The following WAC variants were observed in gnomAD, a reference collection of about 807,000 sequenced individuals.
WAC encodes WW domain containing adaptor with coiled-coil.
Under a neutral mutation model 79.6 loss-of-function variants are expected in WAC, and 11 were observed. That is an observed-to-expected ratio of 0.14 (90% confidence interval 0.09 to 0.23). The LOEUF (loss-of-function observed/expected upper bound fraction) is 0.23. Among genes scored for constraint, WAC ranks in the 10% least tolerant of loss-of-function variants. The pLI is 1.00. For missense variants in WAC, 728 were observed against 773.5 expected (o/e 0.94, Z 0.70); for synonymous variants, 304 against 276.9 (o/e 1.10, Z -0.97).
At chr10:28,542,557 T>G (rs1351437861) in intron 3 of WAC, among the ~76,000 whole-genome samples, 5 of 152,210 alleles carry the variant, frequency 3.3e-5, no homozygotes, top group African/African-American at 1.2e-4. Context: ...GACCAAAACC[T>G]GACTTCTTGT....
chr10:28,608,172 A>T lies in WAC; in HGVS notation c.920-14A>T, dbSNP rs751673681. 1.4e-5 allele frequency: 23 copies of T among 1,612,260 alleles called. No individual in the cohort carries two copies. In the South Asian group the frequency reaches 2.5e-4, roughly 18 times the overall value. On this transcript the variant is annotated splice_polypyrimidine_tract_variant and intron_variant, in intron 7 of 13. Coordinates refer to ENST00000354911, the MANE Select transcript of WAC (RefSeq NM_016628.5). ...ATTCAGGTAATTTTTCAGGCTGATT[A>T]TCTTTTTATTTAGAATCTACATCAG... is the stretch of plus-strand genomic sequence containing the variant.
At chr10:28,598,626 T>A (rs1481396272) in intron 7 of WAC, among the ~76,000 whole-genome samples, 1 of 152,210 alleles carries the variant, frequency 6.6e-6, no homozygotes, top group Non-Finnish European at 1.5e-5. Context: ...ATCTCTTATC[T>A]TAGAAATGAA....
At chr10:28,612,240 T>C (rs919008669) in intron 10 of WAC, among the ~76,000 whole-genome samples, 1 of 152,234 alleles carries the variant, frequency 6.6e-6, no homozygotes, top group Non-Finnish European at 1.5e-5. Flanking sequence ...AAGACATGAA[T>C]GAACATGTTT....
intron 3 of WAC, among the ~76,000 whole-genome samples, chr10:28,556,230 T>C (rs1244912640): frequency 7.0e-6 from 1 of 142,266 alleles, no homozygotes; most frequent in African/African-American, 2.5e-5. Context: ...ACTTAACCTC[T>C]TGTTTTTTCC....
intron 13 of WAC, 185 bp downstream of exon 13, chr10:28,617,969 C>G: frequency 1.7e-6 from 1 of 595,968 alleles, no homozygotes; most frequent in South Asian, 3.0e-5. Context: ...TCGATTTTCT[C>G]TTAACCCATG....
intron 3 of WAC, chr10:28,537,752 C>A (rs1430364904): frequency 6.6e-6 from 1 of 152,180 alleles, no homozygotes; most frequent in Non-Finnish European, 1.5e-5. Context: ...TAGCCACTTA[C>A]TTTTTCTGTA....
rs1840478681 is a variant in WAC, at chr10:28,598,284, G to A, written c.919+2243G>A. Reference sequence around the variant, plus strand: ...TTTACTAGCTTGGTCTCCATCCGTTGCACTCTTAATTCTCTGTAATTCATC... The same window carrying A: ...TTTACTAGCTTGGTCTCCATCCGTTACACTCTTAATTCTCTGTAATTCATC... On this transcript the variant is annotated intron_variant, in intron 7 of 13. Transcript: ENST00000354911. Among the ~76,000 whole-genome samples, 8 of 152,298 alleles carry A rather than the reference G, an allele frequency of 5.3e-5. No individual in the cohort carries two copies. In the South Asian group the frequency reaches 1.7e-3, roughly 32 times the overall value.
intron 4 of WAC, among the ~76,000 whole-genome samples, chr10:28,585,575 G>A (rs1289906567): frequency 6.6e-6 from 1 of 151,216 alleles, no homozygotes; most frequent in African/African-American, 2.4e-5. Flanking sequence ...AGGGAAGGGA[G>A]GATGAGGCCA....
At chr10:28,580,383 A>T (rs982729728) in intron 3 of WAC, among the ~76,000 whole-genome samples, 1 of 152,220 alleles carries the variant, frequency 6.6e-6, no homozygotes, top group African/African-American at 2.4e-5. Flanking sequence ...TCTTAACCTC[A>T]TGAGAGAGGT....
intron 7 of WAC, among the ~76,000 whole-genome samples, chr10:28,603,815 TCCC>T (rs1840756748): frequency 6.6e-6 from 1 of 150,582 alleles, no homozygotes; most frequent in African/African-American, 2.4e-5. Context: ...GCGCCTGTAG[TCCC>T]AGCTACTCGG....
intron 3 of WAC, among the ~76,000 whole-genome samples, chr10:28,575,321 A>G (rs987624559): frequency 6.6e-5 from 10 of 151,930 alleles, no homozygotes; most frequent in Admixed American, 2.0e-4. Context: ...CGAGTACCCA[A>G]TGTTTTGTTT....
intron 3 of WAC, among the ~76,000 whole-genome samples, chr10:28,571,603 T>G (rs1265614926): frequency 6.6e-6 from 1 of 152,268 alleles, no homozygotes; most frequent in Non-Finnish European, 1.5e-5. Flanking sequence ...TGCCTTACTT[T>G]ACTATCTTAA....
chr10:28,598,172 G>A (rs1170094378), intron 7 of WAC, among the ~76,000 whole-genome samples: 3 of 152,194 alleles, frequency 2.0e-5, no homozygotes, highest in Non-Finnish European at 4.4e-5. Context: ...TCCTTGCTTA[G>A]AAACTTCTAG....
chr10:28,608,315 A>G lies in WAC; in HGVS notation c.1049A>G (p.Gln350Arg), dbSNP rs1319201840. Residue 350 changes from glutamine to arginine, a missense_variant, in exon 8 of 14, where the codon CAG becomes CGG. Around this residue, in one of 3 missense-constraint regions of WAC, gnomAD observed 648 missense variants for 661.5 expected, o/e 0.98. Coordinates refer to ENST00000354911, the MANE Select transcript of WAC (RefSeq NM_016628.5). ...ASAVPVSPVP[Q>R]SPIPPLLQDP... is the part of the protein sequence containing the mutation. ...GCGGTCCCTGTTTCTCCTGTTCCAC[A>G]GTCGCCAATACCTCCCTTACTTCAG... is the stretch of plus-strand genomic sequence containing the variant. The G allele has an allele frequency of 6.2e-7, 1 of 1,614,202 alleles. No individual in the cohort carries two copies. The highest frequency in any genetic ancestry group is 8.5e-7 in the Non-Finnish European group (1 of 1,180,018).
Position 28,619,727 on chromosome 10 carries a change from A to C in WAC, c.*121A>C, listed in dbSNP as rs1841624553. On this transcript the variant is annotated 3_prime_UTR_variant, in exon 14 of 14. Coordinates refer to ENST00000354911, the MANE Select transcript of WAC (RefSeq NM_016628.5). ...CGTTAAGCTGGGCAAAGGAAATGAC[A>C]AGGGGACGGGGTCTGTGAGAGTCAA... 1 of 705,714 alleles carries C rather than the reference A, an allele frequency of 1.4e-6. No homozygotes were observed. The highest frequency in any genetic ancestry group is 1.9e-5 in the African/African-American group (1 of 53,030). 43.7% of individuals were successfully genotyped at this position (705,714 alleles called of 1,614,324 possible).
At chr10:28,546,565 T>A (rs1258941115) in intron 3 of WAC, among the ~76,000 whole-genome samples, 2 of 151,776 alleles carry the variant, frequency 1.3e-5, no homozygotes, top group Non-Finnish European at 2.9e-5. Flanking sequence ...GATACTTTGA[T>A]TTTTTTTTAA....
chr10:28,589,680 T>C, intron 4 of WAC, 56 bp from the exon 5 acceptor site: 1 of 1,176,370 alleles, frequency 8.5e-7, no homozygotes, highest in Non-Finnish European at 1.2e-6. Context: ...GTTGTTGATA[T>C]TTCATGTGAT....
At chr10:28,557,555 G>A (rs1838062240) in intron 3 of WAC, among the ~76,000 whole-genome samples, 2 of 152,246 alleles carry the variant, frequency 1.3e-5, no homozygotes, top group African/African-American at 4.8e-5. Flanking sequence ...TCAGCTGGGT[G>A]TGGTGGTGTG....
chr10:28,575,272 A>G (rs1206377011), intron 3 of WAC, among the ~76,000 whole-genome samples: 1 of 152,112 alleles, frequency 6.6e-6, no homozygotes, highest in African/African-American at 2.4e-5. Flanking sequence ...CTCCCCTTCT[A>G]GTAGTCCCCA....
Sources: gnomAD v4.1 joint callset for allele counts (sites outside exome capture counted in the v4.1 genomes callset) on GRCh38, gnomAD v4.1.1 for gene constraint, gnomAD v4.1.1 regional missense constraint, MANE v1.5 for transcripts, NCBI Gene and HGNC (gene_info 2026-07-23, HGNC 2026-07-21) for gene names.